The following SUGCT variants were observed in gnomAD, a reference collection of about 807,000 sequenced individuals.
The protein encoded by SUGCT is succinyl-CoA:glutarate-CoA transferase, also known as succinyl-CoA:glutarate CoA-transferase.
A neutral mutation model predicts 55.0 loss-of-function variants in SUGCT; 41 were observed. That is an observed-to-expected ratio of 0.74 (90% CI 0.58 to 0.97). The LOEUF is 0.97. Among genes scored for constraint, SUGCT ranks in the 50% least tolerant of loss-of-function variants. The pLI is 0.00. For synonymous variants in SUGCT, 187 were observed against 200.4 expected (o/e 0.93, Z 0.56); for missense variants, 568 against 547.8 (o/e 1.04, Z -0.37).
intron 12 of SUGCT, among the ~76,000 whole-genome samples, chr7:40,649,335 C>G (rs1445255931): frequency 6.6e-6 from 1 of 151,980 alleles, no homozygotes. Flanking sequence ...AATAGTATGT[C>G]ACATTTACTG....
chr7:40,598,273 T>C (rs1343452592), intron 12 of SUGCT, among the ~76,000 whole-genome samples: 1 of 152,222 alleles, frequency 6.6e-6, no homozygotes, highest in Admixed American at 6.5e-5. Flanking sequence ...TTCTGGACCA[T>C]GGTGGGCCCC....
chr7:40,837,765 C>A (rs1793064884), intron 13 of SUGCT, among the ~76,000 whole-genome samples: 1 of 152,026 alleles, frequency 6.6e-6, no homozygotes, highest in South Asian at 2.1e-4. Flanking sequence ...AGGCACCCAC[C>A]ACCATGCCTG....
At chr7:40,593,519 A>T (rs1321455485) in intron 12 of SUGCT, among the ~76,000 whole-genome samples, 7 of 152,172 alleles carry the variant, frequency 4.6e-5, no homozygotes. Flanking sequence ...AGTAATAAAG[A>T]GTGTCAAAGA....
the SUGCT span, among the ~76,000 whole-genome samples, chr7:40,896,869 A>G: frequency 6.6e-6 from 1 of 152,222 alleles, no homozygotes; most frequent in Non-Finnish European, 1.5e-5. Flanking sequence ...CCTAAAATCT[A>G]TATGAAACCG....
At chr7:40,405,498 T>G (rs987380946) in intron 9 of SUGCT, among the ~76,000 whole-genome samples, 6 of 152,200 alleles carry the variant, frequency 3.9e-5, no homozygotes, top group African/African-American at 4.8e-5. Flanking sequence ...ATAGAAAATA[T>G]TTTACAAAAT....
At chr7:40,151,171 C>T (rs921658613) in intron 1 of SUGCT, among the ~76,000 whole-genome samples, 11 of 152,104 alleles carry the variant, frequency 7.2e-5, no homozygotes, top group African/African-American at 1.2e-4. Context: ...ACCCGGGAGG[C>T]GGAGGTTGTA....
At chr7:40,542,900 C>G in intron 12 of SUGCT, among the ~76,000 whole-genome samples, 1 of 152,134 alleles carries the variant, frequency 6.6e-6, no homozygotes, top group African/African-American at 2.4e-5. Context: ...GATTATGAGT[C>G]TCAAGCATTC....
At chr7:40,465,028 T>A (rs1364115231) in intron 11 of SUGCT, among the ~76,000 whole-genome samples, 1 of 152,200 alleles carries the variant, frequency 6.6e-6, no homozygotes, top group East Asian at 1.9e-4. Context: ...GTCAATGTAG[T>A]CCTAGTGAAG....
At chr7:40,231,324 A>G (rs1178365563) in intron 6 of SUGCT, among the ~76,000 whole-genome samples, 1 of 152,230 alleles carries the variant, frequency 6.6e-6, no homozygotes. Flanking sequence ...ACGTAATTCT[A>G]GGTGCTAAAG....
the SUGCT span, among the ~76,000 whole-genome samples, chr7:41,000,260 G>C: frequency 6.6e-6 from 1 of 151,990 alleles, no homozygotes; most frequent in Non-Finnish European, 1.5e-5. Context: ...AAACAGGCAT[G>C]CACATGCACA....
At chr7:40,210,124 C>T (rs1377355832) in intron 6 of SUGCT, among the ~76,000 whole-genome samples, 1 of 152,048 alleles carries the variant, frequency 6.6e-6, no homozygotes, top group African/African-American at 2.4e-5. Context: ...GTCACCCAGG[C>T]TGGAGTGCAG....
intron 1 of SUGCT, among the ~76,000 whole-genome samples, chr7:40,176,961 CAAAAA>C (rs4051102): frequency 6.0e-5 from 6 of 100,314 alleles, no homozygotes; most frequent in Admixed American, 1.0e-4. Context: ...ACTCCGTCTC[CAAAAA>C]AAAAAAAAAA....
At chr7:40,495,926 A>G (rs1791946652) in intron 11 of SUGCT, among the ~76,000 whole-genome samples, 1 of 152,150 alleles carries the variant, frequency 6.6e-6, no homozygotes, top group Non-Finnish European at 1.5e-5. Flanking sequence ...TCCTAACCCG[A>G]TTTCCACTAC....
chr7:40,805,281 C>G (rs1791033242), intron 13 of SUGCT, among the ~76,000 whole-genome samples: 4 of 152,064 alleles, frequency 2.6e-5, no homozygotes, highest in Non-Finnish European at 5.9e-5. Context: ...TGCATAGCAC[C>G]CCAGCCAAAT....
At chr7:40,245,423 ATTTTTTTTTTTTTTTTTTT>A (rs1168316176) in intron 7 of SUGCT, among the ~76,000 whole-genome samples, 3 of 54,596 alleles carry the variant, frequency 5.5e-5, no homozygotes, top group East Asian at 8.8e-4. Flanking sequence ...ATATATATAT[ATTTTTTTTTTTTTTTTTTT>A]TTTTTTTTTT....
the SUGCT span, among the ~76,000 whole-genome samples, chr7:41,004,506 C>T: frequency 1.8e-4 from 28 of 152,300 alleles, no homozygotes; most frequent in Non-Finnish European, 3.7e-4. Flanking sequence ...CTGGGAGACA[C>T]ATTGTTGCAG....
rs145603499 is a variant in SUGCT, at chr7:40,163,128, A to T, written c.101-17819A>T. On this transcript the variant is annotated intron_variant, in intron 1 of 13. Transcript: ENST00000335693. The stretch of plus-strand genomic sequence containing the variant: ...CTTTTATTATTTTTGCCTGTGTTTC[A>T]CTGGCAAGATCGAAGTCATTTGACT... 2.0e-3 allele frequency among the ~76,000 whole-genome samples: 311 copies of T among 152,252 alleles called. 1 individual carries two copies. Among genetic ancestry groups the T allele is most frequent in the African/African-American group, 5.5e-3 (228 of 41,534 alleles).
chr7:41,036,113 G>A, the SUGCT span, among the ~76,000 whole-genome samples: 1 of 152,188 alleles, frequency 6.6e-6, no homozygotes, highest in Non-Finnish European at 1.5e-5. Context: ...TACTTGACTG[G>A]TGCCAGGCTT....
chr7:40,765,438 C>A, intron 13 of SUGCT, among the ~76,000 whole-genome samples: 1 of 148,020 alleles, frequency 6.8e-6, no homozygotes. Context: ...GAGCCTGATA[C>A]AAATGCTTTC....
Sources: gnomAD v4.1 joint callset for allele counts (sites outside exome capture counted in the v4.1 genomes callset) on GRCh38, gnomAD v4.1.1 for gene constraint, MANE v1.5 for transcripts, NCBI Gene and HGNC (gene_info 2026-07-23, HGNC 2026-07-21) for gene names.